The following RGS7 variants were observed in gnomAD, a reference collection of about 807,000 sequenced individuals.
RGS7 encodes the protein regulator of G protein signaling 7, also known as regulator of G-protein signaling 7.
Under a neutral mutation model 81.1 loss-of-function variants are expected in RGS7, and 27 were observed. That is an observed-to-expected ratio of 0.33 (90% CI 0.25 to 0.46). The LOEUF (loss-of-function observed/expected upper bound fraction) is 0.46, where lower values mean the gene tolerates loss of function less well. Ranked by LOEUF, RGS7 falls within the 20% of genes least tolerant of loss-of-function variation. RGS7 has a pLI of 1.00. For missense variants in RGS7, 396 were observed against 607.4 expected, an observed-to-expected ratio of 0.65 and a Z score of 3.66; for synonymous variants, 208 against 207.7, an observed-to-expected ratio of 1.00 and a Z score of -0.01.
chr1:240,976,924 CATCT>C (rs1016064272), intron 4 of RGS7, among the ~76,000 whole-genome samples: 1 of 151,512 alleles, frequency 6.6e-6, no homozygotes, highest in African/African-American at 2.4e-5. Flanking sequence ...TTCTATCATC[CATCT>C]ATCATCTATC....
In RGS7 at chr1:240,868,700, G is replaced by A. The variant is rs1225874149; in HGVS notation, c.528-32C>T. 9 of 1,606,228 alleles carry A rather than the reference G, an allele frequency of 5.6e-6. No individual in the cohort carries two copies. Among genetic ancestry groups the A allele is most frequent in the Non-Finnish European group, 6.8e-6 (8 of 1,172,940 alleles). Reference sequence around the variant, plus strand: ...ACACAGTAACAATAGATAACATTTAGTATTAATTGTAGTGCCTCTCTGAAC... The same window carrying A: ...ACACAGTAACAATAGATAACATTTAATATTAATTGTAGTGCCTCTCTGAAC... On this transcript the variant is annotated intron_variant, in intron 8 of 18. Transcript: ENST00000440928. This position sits in a 1 kb window ranked among gnomAD's most constrained non-coding sequence, Gnocchi z 5.1.
At chr1:241,045,260 C>A (rs889481950) in intron 3 of RGS7, among the ~76,000 whole-genome samples, 4 of 152,190 alleles carry the variant, frequency 2.6e-5, no homozygotes, top group African/African-American at 9.6e-5. Flanking sequence ...TAATCTTCTG[C>A]ATGCTAGACT....
At chr1:241,347,079 A>G (rs531452692) in intron 2 of RGS7, among the ~76,000 whole-genome samples, 3 of 152,310 alleles carry the variant, frequency 2.0e-5, no homozygotes, top group East Asian at 1.9e-4. Context: ...AAAAATTTCT[A>G]TGAAACCAGT....
chr1:240,996,079 T>C (rs1243586786), intron 3 of RGS7, among the ~76,000 whole-genome samples: 1 of 152,212 alleles, frequency 6.6e-6, no homozygotes, highest in Non-Finnish European at 1.5e-5. Context: ...TTGTTTAATT[T>C]CCAAATGTTT....
At chr1:241,035,673 C>T (rs2060288165) in intron 3 of RGS7, among the ~76,000 whole-genome samples, 1 of 152,150 alleles carries the variant, frequency 6.6e-6, no homozygotes, top group South Asian at 2.1e-4. Context: ...ACTACCACCA[C>T]TTCCACCCTT....
At position 241,164,153 on chromosome 1, in the gene RGS7, G is replaced by C. The variant is rs909596121; in HGVS notation, c.79-65391C>G. Among the ~76,000 whole-genome samples, 1 of 152,142 alleles carries C rather than the reference G, an allele frequency of 6.6e-6. No homozygotes were observed. Among genetic ancestry groups the C allele is most frequent in the Non-Finnish European group, 1.5e-5 (1 of 68,020 alleles). ...ATATTACAAAGGATACAGGTGAAGAGATGCATAGGGTGAGGTATGGAGGAA... is the reference window on the plus strand; with the variant it reads ...ATATTACAAAGGATACAGGTGAAGACATGCATAGGGTGAGGTATGGAGGAA... On this transcript the variant is annotated intron_variant, in intron 2 of 18. Transcript: ENST00000440928. The surrounding 1 kb of genome is among the most constrained non-coding windows in gnomAD (Gnocchi z 4.1).
chr1:240,787,687 T>C (rs1403422800), intron 18 of RGS7, among the ~76,000 whole-genome samples: 1 of 152,168 alleles, frequency 6.6e-6, no homozygotes, highest in Non-Finnish European at 1.5e-5. Flanking sequence ...CAAAAAATTA[T>C]GTAAAGCTTT....
Position 240,779,477 on chromosome 1 carries a change from G to A in RGS7, c.*7-3264C>T, listed in dbSNP as rs141528828. ...GCCTAGTGCTCTTATAAAAGAGGCC[G>A]AAGGAAGCTTGTTTGCCCCTCCCAC... On this transcript the variant is annotated intron_variant, in intron 18 of 18. Coordinates refer to ENST00000440928, the MANE Select transcript of RGS7 (RefSeq NM_001364886.1). Among the ~76,000 whole-genome samples, 1,047 of 147,610 alleles carry A rather than the reference G, an allele frequency of 7.1e-3. 7 individuals are homozygous for A. Among genetic ancestry groups the A allele is most frequent in the Admixed American group, 0.011 (169 of 15,142 alleles).
At position 241,091,638 on chromosome 1, in the gene RGS7, C is replaced by T. The variant is rs558746304; in HGVS notation, c.175+7028G>A. ...CAATGGCTCGCATCTGTAATCTTAA[C>T]ACTTTGGGAGGAAGAGACATGAGGA... On this transcript the variant is annotated intron_variant, in intron 3 of 18. Coordinates refer to ENST00000440928, the MANE Select transcript of RGS7 (RefSeq NM_001364886.1). Among the ~76,000 whole-genome samples, 3 of 151,870 alleles carry T rather than the reference C, an allele frequency of 2.0e-5. No homozygotes were observed. In the South Asian group the frequency reaches 6.2e-4, roughly 32 times the overall value.
At chr1:241,005,998 A>G (rs2058673820) in intron 3 of RGS7, among the ~76,000 whole-genome samples, 1 of 152,208 alleles carries the variant, frequency 6.6e-6, no homozygotes, top group Non-Finnish European at 1.5e-5. Context: ...AAAAAATGCT[A>G]TGAACATTCT....
intron 6 of RGS7, among the ~76,000 whole-genome samples, chr1:240,909,816 A>G (rs1229491061): frequency 6.6e-6 from 1 of 152,170 alleles, no homozygotes; most frequent in Admixed American, 6.5e-5. Context: ...TCTGGGTGCT[A>G]CTGGCAAATG....
At chr1:241,259,316 T>C (rs2077192893) in intron 2 of RGS7, among the ~76,000 whole-genome samples, 1 of 151,916 alleles carries the variant, frequency 6.6e-6, no homozygotes, top group Non-Finnish European at 1.5e-5. Flanking sequence ...GTATGATAAG[T>C]ATAAGGGCCA....
chr1:240,985,568 A>T (rs1347867270), intron 3 of RGS7, among the ~76,000 whole-genome samples: 1 of 152,206 alleles, frequency 6.6e-6, no homozygotes, highest in Non-Finnish European at 1.5e-5. Flanking sequence ...TTCTCAGTTC[A>T]GCTCTGAAGG....
rs147908919 is a variant in RGS7, at chr1:241,156,403, G to T, written c.79-57641C>A. Among the ~76,000 whole-genome samples the T allele has an allele frequency of 7.6e-4, 116 of 152,036 alleles. 1 individual carries two copies. Among genetic ancestry groups the T allele is most frequent in the African/African-American group, 2.7e-3 (112 of 41,448 alleles). On this transcript the variant is annotated intron_variant, in intron 2 of 18. Coordinates refer to ENST00000440928, the MANE Select transcript of RGS7 (RefSeq NM_001364886.1). ...CACTTGTGCTCCCAGATACTAGGAA[G>T]GCTGAGGCAAGAGGATCACAGGAGC...
chr1:241,095,268 G>GGGT (rs1227154808), intron 3 of RGS7, among the ~76,000 whole-genome samples: 2 of 152,120 alleles, frequency 1.3e-5, no homozygotes, highest in African/African-American at 4.8e-5. Flanking sequence ...GTACATCTGG[G>GGGT]GGTGGGTCCA....
intron 2 of RGS7, among the ~76,000 whole-genome samples, chr1:241,221,235 A>T (rs1371783004): frequency 6.6e-6 from 1 of 152,228 alleles, no homozygotes; most frequent in Non-Finnish European, 1.5e-5. Context: ...AAGCTAAAAA[A>T]TTAGACAAAG....
intron 2 of RGS7, among the ~76,000 whole-genome samples, chr1:241,107,063 A>C (rs1454506451): frequency 6.6e-6 from 1 of 152,182 alleles, no homozygotes; most frequent in East Asian, 1.9e-4. Flanking sequence ...AATGTGTTGT[A>C]AGTACTGTGG....
In RGS7 at chr1:240,822,263, T is replaced by C. The variant is rs4474237; in HGVS notation, c.684+4835A>G. Among the ~76,000 whole-genome samples, 246 of 152,224 alleles carry C rather than the reference T, an allele frequency of 1.6e-3. 1 individual carries two copies. Among genetic ancestry groups the C allele is most frequent in the African/African-American group, 5.8e-3 (240 of 41,544 alleles). On this transcript the variant is annotated intron_variant, in intron 10 of 18. Coordinates refer to ENST00000440928, the MANE Select transcript of RGS7 (RefSeq NM_001364886.1). Reference sequence around the variant, plus strand: ...TGTTTTGAAGAACAAGGATATTTACTCTTAAAAAAGAAGCGCTGTCCCACA... The same window carrying C: ...TGTTTTGAAGAACAAGGATATTTACCCTTAAAAAAGAAGCGCTGTCCCACA...
At chr1:241,306,529 T>C (rs939779875) in intron 2 of RGS7, among the ~76,000 whole-genome samples, 1 of 147,510 alleles carries the variant, frequency 6.8e-6, no homozygotes, top group African/African-American at 2.5e-5. Context: ...TGTACACACG[T>C]CCACACACAT....
Sources: gnomAD v4.1 joint callset for allele counts (sites outside exome capture counted in the v4.1 genomes callset) on GRCh38, gnomAD v4.1.1 for gene constraint, Gnocchi (gnomAD v3.1) non-coding constraint, MANE v1.5 for transcripts, NCBI Gene and HGNC (gene_info 2026-07-23, HGNC 2026-07-21) for gene names.